The following ZBTB16 variants were observed in gnomAD, a reference collection of about 807,000 sequenced individuals.
ZBTB16 encodes the protein zinc finger and BTB domain-containing protein 16.
A neutral mutation model predicts 56.8 loss-of-function variants in ZBTB16; 8 were observed. The observed-to-expected ratio is 0.14, with a 90% confidence interval of 0.08 to 0.25. The LOEUF is 0.25. Ranked by LOEUF, ZBTB16 falls within the 10% of genes least tolerant of loss-of-function variation. The pLI, the probability that ZBTB16 is intolerant of heterozygous loss-of-function variation, is 1.00. For missense variants in ZBTB16, 625 were observed against 903.0 expected (o/e 0.69, Z 3.95); for synonymous variants, 363 against 368.5 (o/e 0.98, Z 0.17).
intron 2 of ZBTB16, among the ~76,000 whole-genome samples, chr11:114,136,708 T>C (rs1487930534): frequency 1.3e-5 from 2 of 151,670 alleles, no homozygotes; most frequent in African/African-American, 4.9e-5. Context: ...AAGGGGTGGG[T>C]TTTTTTGGGG....
chr11:114,237,837 A>G (rs1193209163), intron 4 of ZBTB16, among the ~76,000 whole-genome samples: 2 of 152,202 alleles, frequency 1.3e-5, no homozygotes, highest in African/African-American at 4.8e-5. Context: ...TTTTTTTAAA[A>G]ATACTTTTCT....
At chr11:114,078,514 C>G (rs955576983) in intron 2 of ZBTB16, among the ~76,000 whole-genome samples, 11 of 152,208 alleles carry the variant, frequency 7.2e-5, no homozygotes, top group South Asian at 4.1e-4. Flanking sequence ...AGAGTTTAGA[C>G]TGGCTGCTAA....
chr11:114,185,814 G>A (rs1345545920), intron 3 of ZBTB16, among the ~76,000 whole-genome samples: 1 of 152,180 alleles, frequency 6.6e-6, no homozygotes. Context: ...AAGACTATTA[G>A]CCAGTGATAA....
chr11:114,252,532 C>G lies in ZBTB16; in HGVS notation c.*1977C>G, dbSNP rs1419831381. ...CCTCCCTCTTTTCCCCAACCTCCCC[C>G]GACCCTCCTGAATTTTGGAAAGCAC... On this transcript the variant is annotated 3_prime_UTR_variant, in exon 7 of 7. Coordinates refer to ENST00000335953, the MANE Select transcript of ZBTB16 (RefSeq NM_006006.6). 6.6e-6 allele frequency among the ~76,000 whole-genome samples: 1 copy of G among 152,120 alleles called. No homozygotes were observed. Among genetic ancestry groups the G allele is most frequent in the Non-Finnish European group, 1.5e-5 (1 of 68,024 alleles).
chr11:114,095,401 C>T (rs1362838458), intron 2 of ZBTB16, among the ~76,000 whole-genome samples: 3 of 151,898 alleles, frequency 2.0e-5, no homozygotes, highest in African/African-American at 4.8e-5. Flanking sequence ...GCTGGGACTA[C>T]AGGCGCCCGC....
At position 114,064,239 on chromosome 11, in the gene ZBTB16, C is replaced by T. The variant is rs143295857; in HGVS notation, c.939C>T (p.Gly313=). The change falls in exon 2 of 7, where the codon GGC becomes GGT. Residue 313 remains glycine (G), a synonymous_variant. Transcript: ENST00000335953. This position sits in a 1 kb window ranked among gnomAD's most constrained non-coding sequence, Gnocchi z 4.2. ...AGGTGCCACCCCCAGCTGAGGCTGG[C>T]CAGGCCCCCACTGGCCGACCTGAGC... ...AEQVPPPAEA[G]QAPTGRPEHP... 8.1e-4 allele frequency: 1,304 copies of T among 1,613,850 alleles called. 1 individual carries two copies. The highest frequency in any genetic ancestry group is 1.0e-3 in the Non-Finnish European group (1,187 of 1,180,034).
intron 2 of ZBTB16, among the ~76,000 whole-genome samples, chr11:114,094,576 C>CAG (rs2137735559): frequency 6.6e-6 from 1 of 152,256 alleles, no homozygotes; most frequent in African/African-American, 2.4e-5. Flanking sequence ...AGGTAGCTTC[C>CAG]AGAGAGAGCC....
Position 114,187,305 on chromosome 11 carries a change from C to T in ZBTB16, c.1453+267C>T, listed in dbSNP as rs1042088282. 22 of 558,834 alleles carry T rather than the reference C, an allele frequency of 3.9e-5. No individual in the cohort carries two copies. The African/African-American group carries it at 4.1e-4, about 10-fold the overall frequency. 34.6% of individuals were successfully genotyped at this position (558,834 alleles called of 1,614,324 possible). ...TGTCTCTAACCAGCCACTGAGAGCT[C>T]ATGTTCTTGGAGGTATCTAGTATGC... is the stretch of plus-strand genomic sequence containing the variant. On this transcript the variant is annotated intron_variant, in intron 4 of 6. Transcript: ENST00000335953.
intron 4 of ZBTB16, among the ~76,000 whole-genome samples, chr11:114,229,636 C>CT (rs1164852748): frequency 6.6e-6 from 1 of 152,320 alleles, no homozygotes; most frequent in African/African-American, 2.4e-5. Flanking sequence ...GCTCCTTTAT[C>CT]TTTTTAACCC....
intron 4 of ZBTB16, among the ~76,000 whole-genome samples, chr11:114,193,769 G>A (rs1943550481): frequency 1.3e-5 from 2 of 152,130 alleles, no homozygotes; most frequent in African/African-American, 2.4e-5. Context: ...GTAGGGAAGA[G>A]CTCTGAAAAA....
In ZBTB16 at chr11:114,140,172, T is replaced by G. The variant is rs530617786; in HGVS notation, c.1269-16165T>G. Among the ~76,000 whole-genome samples the G allele has an allele frequency of 2.0e-5, 3 of 152,336 alleles. No individual in the cohort carries two copies. In the East Asian group the frequency reaches 5.8e-4, roughly 29 times the overall value. ...TCTGGAATGATGCTGTTTTGGTGCC[T>G]GTTTCCCTCTCATCTGAAACAACCA... is the stretch of plus-strand genomic sequence containing the variant. On this transcript the variant is annotated intron_variant, in intron 2 of 6. Coordinates refer to ENST00000335953, the MANE Select transcript of ZBTB16 (RefSeq NM_006006.6).
At chr11:114,237,822 T>C (rs1462761383) in intron 4 of ZBTB16, among the ~76,000 whole-genome samples, 1 of 152,204 alleles carries the variant, frequency 6.6e-6, no homozygotes, top group African/African-American at 2.4e-5. Flanking sequence ...TCCCCCACTT[T>C]TCCATTTTTT....
At chr11:114,105,510 G>A (rs1940759500) in intron 2 of ZBTB16, among the ~76,000 whole-genome samples, 1 of 152,284 alleles carries the variant, frequency 6.6e-6, no homozygotes, top group South Asian at 2.1e-4. Flanking sequence ...AAAATGCTGG[G>A]ACTGCAGGAA....
At chr11:114,228,636 T>C (rs1313338061) in intron 4 of ZBTB16, among the ~76,000 whole-genome samples, 1 of 152,188 alleles carries the variant, frequency 6.6e-6, no homozygotes, top group Non-Finnish European at 1.5e-5. Context: ...AGCGTGTTGA[T>C]ACGTAGGATG....
At chr11:114,138,324 G>T (rs372861139) in intron 2 of ZBTB16, among the ~76,000 whole-genome samples, 2 of 152,292 alleles carry the variant, frequency 1.3e-5, no homozygotes, top group East Asian at 1.9e-4. Flanking sequence ...GGTTTTTGGA[G>T]GTGGTTGTGG....
chr11:114,233,081 G>GCGCGCGCACA (rs1250341636), intron 4 of ZBTB16, among the ~76,000 whole-genome samples: 1 of 87,476 alleles, frequency 1.1e-5, no homozygotes, highest in African/African-American at 4.4e-5. Context: ...GCGCGCGCGC[G>GCGCGCGCACA]CACACACACA....
rs1348761481 is a variant in ZBTB16, at chr11:114,155,944, G to A, written c.1269-393G>A. Among the ~76,000 whole-genome samples the A allele has an allele frequency of 2.6e-5, 4 of 152,300 alleles. No individual in the cohort carries two copies. In the East Asian group the frequency reaches 7.7e-4, roughly 29 times the overall value. ...TGGGCTCGTTCACAGTCACCACCCG[G>A]GAAAGGCAGTGCTACACAGAGGTGA... On this transcript the variant is annotated intron_variant, in intron 2 of 6. Transcript: ENST00000335953.
chr11:114,146,999 G>A (rs923224292), intron 2 of ZBTB16, among the ~76,000 whole-genome samples: 4 of 152,124 alleles, frequency 2.6e-5, no homozygotes, highest in African/African-American at 9.7e-5. Context: ...TGTTTACAAT[G>A]TGATTTGGTA....
chr11:114,176,064 T>C (rs1329526661), intron 3 of ZBTB16, among the ~76,000 whole-genome samples: 1 of 151,984 alleles, frequency 6.6e-6, no homozygotes, highest in African/African-American at 2.4e-5. Flanking sequence ...GGTGGGGGCC[T>C]GTGACGGAGC....
Sources: gnomAD v4.1 joint callset for allele counts (sites outside exome capture counted in the v4.1 genomes callset) on GRCh38, gnomAD v4.1.1 for gene constraint, Gnocchi (gnomAD v3.1) non-coding constraint, MANE v1.5 for transcripts, NCBI Gene and HGNC (gene_info 2026-07-23, HGNC 2026-07-21) for gene names.